Variants in TLK1 observed in about 807,000 individuals in gnomAD.
The protein encoded by TLK1 is tousled like kinase 1, also known as serine/threonine-protein kinase tousled-like 1.
A neutral mutation model predicts 105.3 loss-of-function variants in TLK1; 24 were observed. The ratio of observed to expected loss-of-function variants is 0.23; its 90% CI spans 0.17 to 0.32. The LOEUF (loss-of-function observed/expected upper bound fraction) is 0.32. Among genes scored for constraint, TLK1 ranks in the 10% least tolerant of loss-of-function variants. TLK1 has a pLI of 1.00. For synonymous variants in TLK1, 321 were observed against 310.4 expected (o/e 1.03, Z -0.36); for missense variants, 558 against 910.5 (o/e 0.61, Z 4.98).
chr2:171,059,990 C>G, intron 4 of TLK1: 1 of 1,612,348 alleles, frequency 6.2e-7, no homozygotes, highest in Non-Finnish European at 8.5e-7. Flanking sequence ...GGGAACCCTG[C>G]AGAAGATGAG....
chr2:171,058,635 G>GT (rs1408634865), intron 4 of TLK1, among the ~76,000 whole-genome samples: 1 of 152,098 alleles, frequency 6.6e-6, no homozygotes, highest in Non-Finnish European at 1.5e-5. Context: ...TAAATACAAT[G>GT]TTTTTTAAAA....
intron 2 of TLK1, among the ~76,000 whole-genome samples, chr2:171,088,265 G>C (rs1262659024): frequency 2.0e-5 from 3 of 152,174 alleles, no homozygotes; most frequent in Non-Finnish European, 4.4e-5. Context: ...CCAGGAGATA[G>C]AGGCTGCAGT....
intron 1 of TLK1, among the ~76,000 whole-genome samples, chr2:171,121,894 A>G (rs971505049): frequency 6.6e-6 from 1 of 152,234 alleles, no homozygotes; most frequent in Non-Finnish European, 1.5e-5. Flanking sequence ...GTTTCTAACC[A>G]AAAACTCTTA....
At position 171,041,970 on chromosome 2, in the gene TLK1, G is replaced by C. The variant is rs1159550697; in HGVS notation, c.1169+4204C>G. On this transcript the variant is annotated intron_variant, in intron 11 of 20. Transcript: ENST00000431350. ...GCATTATTCAAACTGCAGTATATAT[G>C]AATCAAAGTGCTTCTGTGGCCTTTT... Among the ~76,000 whole-genome samples, 4 of 152,160 alleles carry C rather than the reference G, an allele frequency of 2.6e-5. No homozygotes were observed. In the East Asian group the frequency reaches 7.7e-4, roughly 29 times the overall value.
intron 1 of TLK1, among the ~76,000 whole-genome samples, chr2:171,194,820 GAAAAA>G (rs370489277): frequency 1.1e-5 from 1 of 94,406 alleles, no homozygotes; most frequent in Admixed American, 1.2e-4. Context: ...CCGTCTCAGG[GAAAAA>G]AAAAAAAAAA....
chr2:171,169,747 A>T (rs1309376268), intron 1 of TLK1, among the ~76,000 whole-genome samples: 2 of 152,238 alleles, frequency 1.3e-5, no homozygotes, highest in African/African-American at 4.8e-5. Context: ...TTATTACCCC[A>T]GATTAAATTA....
At chr2:171,194,165 G>T (rs59301982) in intron 1 of TLK1, among the ~76,000 whole-genome samples, 16,600 of 152,148 alleles carry the variant, frequency 0.11, 1,353 homozygotes, top group African/African-American at 0.23. Flanking sequence ...ATTTCTTTAA[G>T]CCTTATTCAC....
chr2:171,179,326 G>T (rs1481786120), intron 1 of TLK1, among the ~76,000 whole-genome samples: 1 of 151,984 alleles, frequency 6.6e-6, no homozygotes, highest in Admixed American at 6.6e-5. Context: ...TCATTTCAAA[G>T]ACCTAATTTT....
At chr2:171,053,670 A>AC in intron 8 of TLK1, 91 bp downstream of exon 8, 1 of 1,080,950 alleles carries the variant, frequency 9.3e-7, no homozygotes, top group Non-Finnish European at 1.3e-6. Context: ...CTAGCTACAG[A>AC]TTTTTTTACA....
intron 1 of TLK1, among the ~76,000 whole-genome samples, chr2:171,187,543 G>A (rs1018976465): frequency 3.9e-5 from 6 of 152,176 alleles, no homozygotes; most frequent in Admixed American, 3.3e-4. Flanking sequence ...AATGTCAGAT[G>A]CCATGAGCTG....
At chr2:171,164,878 T>C (rs779776261), upstream of TLK1, among the ~76,000 whole-genome samples, 3 of 151,518 alleles carry the variant, frequency 2.0e-5, no homozygotes, top group Non-Finnish European at 4.4e-5. Context: ...CCCAGCACTT[T>C]GGGAGGTTAA....
chr2:171,206,963 T>C (rs1278281626), intron 1 of TLK1, among the ~76,000 whole-genome samples: 1 of 152,134 alleles, frequency 6.6e-6, no homozygotes, highest in Non-Finnish European at 1.5e-5. Context: ...GAAGGCAAAA[T>C]GGTACAACTA....
rs540008262 is a variant in TLK1 at position 171,124,419 on chromosome 2, T to TA, written c.140-6563dup. On this transcript the variant is annotated intron_variant, in intron 1 of 20. Coordinates refer to ENST00000431350, the MANE Select transcript of TLK1 (RefSeq NM_012290.5). ...AGCAGTTGAGGGCAGTTCTCTTTAT[T>TA]AAAAAAATTTCAATCTCAGCCTTTA... Among the ~76,000 whole-genome samples the TA allele has an allele frequency of 3.9e-5, 6 of 152,318 alleles. 1 individual carries two copies. In the East Asian group the frequency reaches 9.6e-4, roughly 24 times the overall value.
chr2:171,198,023 C>T (rs1449621235), intron 1 of TLK1, among the ~76,000 whole-genome samples: 3 of 152,118 alleles, frequency 2.0e-5, no homozygotes, highest in African/African-American at 7.2e-5. Flanking sequence ...ATCCTCAGTA[C>T]CTACCCTGGT....
At chr2:171,186,771 C>G (rs1457209829) in intron 1 of TLK1, among the ~76,000 whole-genome samples, 1 of 151,880 alleles carries the variant, frequency 6.6e-6, no homozygotes, top group South Asian at 2.1e-4. Context: ...TAAAAGAATA[C>G]TCTTTAGGCT....
At chr2:171,003,110 TA>T (rs1241208430) in intron 18 of TLK1, among the ~76,000 whole-genome samples, 5 of 151,402 alleles carry the variant, frequency 3.3e-5, no homozygotes, top group Non-Finnish European at 5.9e-5. Flanking sequence ...CCGTCTCTAC[TA>T]AAAATACAAA....
At chr2:171,135,152 G>A (rs546365153) in intron 1 of TLK1, among the ~76,000 whole-genome samples, 2 of 152,178 alleles carry the variant, frequency 1.3e-5, no homozygotes, top group East Asian at 1.9e-4. Context: ...GAGATCCATC[G>A]CACAGCAGGG....
At chr2:171,073,629 G>A (rs190945993) in intron 3 of TLK1, among the ~76,000 whole-genome samples, 64 of 152,074 alleles carry the variant, frequency 4.2e-4, no homozygotes, top group Non-Finnish European at 1.0e-4. Flanking sequence ...ATTCAAGCAG[G>A]ACTCACTTCC....
chr2:171,131,443 C>G (rs1346134004), intron 1 of TLK1, among the ~76,000 whole-genome samples: 2 of 152,070 alleles, frequency 1.3e-5, no homozygotes, highest in African/African-American at 4.8e-5. Flanking sequence ...TAAAAGCTGC[C>G]AAAACAGAGT....
Sources: allele counts gnomAD v4.1 joint callset (sites outside exome capture counted in the v4.1 genomes callset), GRCh38; gene constraint gnomAD v4.1.1; transcripts MANE v1.5; gene names NCBI Gene and HGNC (gene_info 2026-07-23, HGNC 2026-07-21).